The following MYT1L variants were observed in gnomAD, a reference collection of about 807,000 sequenced individuals.
The protein encoded by MYT1L is myelin transcription factor 1-like protein.
A neutral mutation model predicts 126.7 loss-of-function variants in MYT1L; 12 were observed. The observed-to-expected ratio is 0.09, with a 90% CI of 0.06 to 0.15. The LOEUF (loss-of-function observed/expected upper bound fraction) is 0.15. MYT1L is among the 10% of genes least tolerant of loss of function. The pLI, the probability that MYT1L is intolerant of heterozygous loss-of-function variation, is 1.00. For synonymous variants in MYT1L, 541 were observed against 604.2 expected, an observed-to-expected ratio of 0.90 and a Z score of 1.53; for missense variants, 979 against 1,585.2, an observed-to-expected ratio of 0.62 and a Z score of 6.49.
chr2:1,870,393 G>A (rs2046129062), intron 18 of MYT1L, among the ~76,000 whole-genome samples: 1 of 152,138 alleles, frequency 6.6e-6, no homozygotes, highest in South Asian at 2.1e-4. Flanking sequence ...GGTCATGAAT[G>A]ACTCTGCCCC....
chr2:2,168,576 T>C (rs1301284844), intron 3 of MYT1L, among the ~76,000 whole-genome samples: 3 of 152,212 alleles, frequency 2.0e-5, no homozygotes, highest in Admixed American at 6.5e-5. Flanking sequence ...CTCTACACAA[T>C]AGACATAGCA....
intron 18 of MYT1L, among the ~76,000 whole-genome samples, chr2:1,873,354 C>T (rs1056979176): frequency 1.3e-5 from 2 of 152,076 alleles, no homozygotes; most frequent in Non-Finnish European, 2.9e-5. Flanking sequence ...AAGCTAAAGG[C>T]AGACATTTTT....
chr2:2,256,455 C>A (rs975494039), intron 2 of MYT1L, among the ~76,000 whole-genome samples: 1 of 152,236 alleles, frequency 6.6e-6, no homozygotes, highest in Non-Finnish European at 1.5e-5. Flanking sequence ...ATCTATGCTG[C>A]TTAGCGCTAC....
intron 11 of MYT1L, among the ~76,000 whole-genome samples, chr2:1,913,218 C>T (rs1234761041): frequency 6.6e-6 from 1 of 152,222 alleles, no homozygotes; most frequent in Non-Finnish European, 1.5e-5. Flanking sequence ...TCTGAGTCCA[C>T]ACCCTGTCTT....
At chr2:2,007,095 T>C (rs954655263) in intron 4 of MYT1L, among the ~76,000 whole-genome samples, 2 of 152,028 alleles carry the variant, frequency 1.3e-5, no homozygotes, top group Admixed American at 6.6e-5. Context: ...ATTTGTCCAT[T>C]AGGTTGCTTC....
intron 5 of MYT1L, among the ~76,000 whole-genome samples, chr2:1,982,705 C>T (rs1334721848): frequency 6.6e-6 from 1 of 152,308 alleles, no homozygotes; most frequent in African/African-American, 2.4e-5. Flanking sequence ...AGACACACTC[C>T]GAGCTTGGCT....
chr2:1,959,607 C>G (rs1254281934), intron 8 of MYT1L, among the ~76,000 whole-genome samples: 2 of 152,196 alleles, frequency 1.3e-5, no homozygotes, highest in African/African-American at 4.8e-5. Flanking sequence ...CAAAGGTCAG[C>G]AGGAGGGTCT....
chr2:2,216,772 G>C (rs1454646913), intron 2 of MYT1L, among the ~76,000 whole-genome samples: 1 of 150,692 alleles, frequency 6.6e-6, no homozygotes, highest in Non-Finnish European at 1.5e-5. Context: ...CCCTGGTCAG[G>C]CTGGTCAGGA....
In MYT1L at chr2:2,184,673, C is replaced by T. The variant is rs528058140; in HGVS notation, c.-420-11685G>A. ...TCTTCCCGCCTAAGCCTCCCCGCACCGCACGCCCACCAATGGGCTGGCGGC... is the reference window on the plus strand; with the variant it reads ...TCTTCCCGCCTAAGCCTCCCCGCACTGCACGCCCACCAATGGGCTGGCGGC... On this transcript the variant is annotated intron_variant, in intron 2 of 24. Coordinates refer to ENST00000647738, the MANE Select transcript of MYT1L (RefSeq NM_001303052.2). Among the ~76,000 whole-genome samples the T allele has an allele frequency of 2.2e-4, 33 of 152,250 alleles. No homozygotes were observed. In the South Asian group the frequency reaches 6.9e-3, roughly 32 times the overall value.
In MYT1L at chr2:2,008,594, G is replaced by A. The variant is rs139794349; in HGVS notation, c.-157-11247C>T. Among the ~76,000 whole-genome samples, 121 of 152,308 alleles carry A rather than the reference G, an allele frequency of 7.9e-4. 1 individual carries two copies. The highest frequency in any genetic ancestry group is 1.3e-3 in the Non-Finnish European group (88 of 68,024). The stretch of plus-strand genomic sequence containing the variant: ...CATTTTGGATATTAACCCCTTATCA[G>A]ATGTGATTTGCAAACTTTTTTTTTC... On this transcript the variant is annotated intron_variant, in intron 4 of 24. Transcript: ENST00000647738.
intron 3 of MYT1L, among the ~76,000 whole-genome samples, chr2:2,142,898 G>C (rs187311299): frequency 4.6e-5 from 7 of 151,578 alleles, no homozygotes; most frequent in Non-Finnish European, 7.4e-5. Context: ...TGTTGGCCAG[G>C]GTGGTCTCAA....
At chr2:2,116,401 C>T (rs2080211905) in intron 3 of MYT1L, among the ~76,000 whole-genome samples, 1 of 152,204 alleles carries the variant, frequency 6.6e-6, no homozygotes, top group Non-Finnish European at 1.5e-5. Context: ...TGCCCTTGCT[C>T]CCAGGAGATC....
chr2:1,931,965 G>C (rs1303709168), intron 9 of MYT1L, among the ~76,000 whole-genome samples: 3 of 152,132 alleles, frequency 2.0e-5, no homozygotes, highest in African/African-American at 7.2e-5. Flanking sequence ...CATACGTGAG[G>C]ATGCCCCACT....
At position 1,830,559 on chromosome 2, in the gene MYT1L, G is replaced by A. The variant is rs115590640; in HGVS notation, c.3080+8590C>T. Reference sequence around the variant, plus strand: ...CGGCACCCGGAAGGGCTCACAGGGAGATGGGGGAAAGGGTATTCTCGGCAC... The same window carrying A: ...CGGCACCCGGAAGGGCTCACAGGGAAATGGGGGAAAGGGTATTCTCGGCAC... On this transcript the variant is annotated intron_variant, in intron 21 of 24. Coordinates refer to ENST00000647738, the MANE Select transcript of MYT1L (RefSeq NM_001303052.2). 7.7e-3 allele frequency among the ~76,000 whole-genome samples: 1,171 copies of A among 152,106 alleles called. 24 individuals are homozygous for A. The highest frequency in any genetic ancestry group is 0.027 in the African/African-American group (1,129 of 41,500).
intron 2 of MYT1L, among the ~76,000 whole-genome samples, chr2:2,264,485 A>G: frequency 6.6e-6 from 1 of 152,336 alleles, no homozygotes; most frequent in East Asian, 1.9e-4. Flanking sequence ...AAGTTAAAAA[A>G]TAGGTCATAG....
At chr2:1,866,214 T>C (rs1173758318) in intron 18 of MYT1L, among the ~76,000 whole-genome samples, 1 of 151,974 alleles carries the variant, frequency 6.6e-6, no homozygotes, top group Non-Finnish European at 1.5e-5. Flanking sequence ...ATCTTTTTTA[T>C]AAAAAAGGAA....
intron 3 of MYT1L, among the ~76,000 whole-genome samples, chr2:2,167,514 C>T (rs1002106478): frequency 1.3e-5 from 2 of 152,198 alleles, no homozygotes; most frequent in South Asian, 2.1e-4. Flanking sequence ...GAAATCAAAC[C>T]CTGTCTCCTC....
At chr2:2,304,766 C>G (rs1433156638) in intron 1 of MYT1L, among the ~76,000 whole-genome samples, 1 of 152,152 alleles carries the variant, frequency 6.6e-6, no homozygotes, top group East Asian at 1.9e-4. Flanking sequence ...CCATAGTTTG[C>G]CAACCCTGGA....
At chr2:2,033,658 G>C (rs774404267) in intron 4 of MYT1L, among the ~76,000 whole-genome samples, 9 of 152,170 alleles carry the variant, frequency 5.9e-5, no homozygotes, top group Non-Finnish European at 1.0e-4. Flanking sequence ...AATTTGATTT[G>C]AGGTCATTAC....
Sources: allele counts gnomAD v4.1 joint callset (sites outside exome capture counted in the v4.1 genomes callset), GRCh38; gene constraint gnomAD v4.1.1; transcripts MANE v1.5; gene names NCBI Gene and HGNC (gene_info 2026-07-23, HGNC 2026-07-21).